PTPRD: variants seen among roughly 807,000 people sequenced by gnomAD.
The protein encoded by PTPRD is protein tyrosine phosphatase receptor type D.
Under a neutral mutation model 214.5 loss-of-function variants are expected in PTPRD, and 34 were observed. That is an observed-to-expected ratio of 0.16 (90% CI 0.12 to 0.21). The LOEUF is 0.21. PTPRD is among the 10% of genes least tolerant of loss of function. PTPRD has a pLI of 1.00. For synonymous variants in PTPRD, 1,128 were observed against 845.7 expected (o/e 1.33, Z -5.79); for missense variants, 2,545 against 2,398.7 (o/e 1.06, Z -1.27).
intron 9 of PTPRD, among the ~76,000 whole-genome samples, chr9:9,367,325 T>C (rs1262459991): frequency 6.6e-6 from 1 of 151,532 alleles, no homozygotes; most frequent in African/African-American, 2.4e-5. Flanking sequence ...CAGATTTTAG[T>C]ATTTTACAGT....
chr9:10,384,674 G>A (rs1238529066), intron 2 of PTPRD, among the ~76,000 whole-genome samples: 1 of 150,742 alleles, frequency 6.6e-6, no homozygotes, highest in East Asian at 2.0e-4. Context: ...TAAGAAATAA[G>A]AACGTTTGTC....
intron 7 of PTPRD, among the ~76,000 whole-genome samples, chr9:9,708,600 C>T (rs899998453): frequency 2.6e-5 from 4 of 151,856 alleles, no homozygotes; most frequent in African/African-American, 4.8e-5. Context: ...TTTCAAAGTC[C>T]TCAAGAGTAT....
intron 10 of PTPRD, among the ~76,000 whole-genome samples, chr9:9,087,775 C>A (rs2099769322): frequency 6.6e-6 from 1 of 151,686 alleles, no homozygotes; most frequent in African/African-American, 2.4e-5. Flanking sequence ...GCTTTAAAAT[C>A]CACATTCCTT....
chr9:8,674,664 A>G (rs2097363783), intron 12 of PTPRD, among the ~76,000 whole-genome samples: 1 of 152,112 alleles, frequency 6.6e-6, no homozygotes, highest in East Asian at 1.9e-4. Flanking sequence ...TCCTTCTAAC[A>G]GCACTTTTAT....
intron 11 of PTPRD, among the ~76,000 whole-genome samples, chr9:8,739,802 G>C (rs1178297562): frequency 6.6e-6 from 1 of 152,128 alleles, no homozygotes; most frequent in Non-Finnish European, 1.5e-5. Context: ...TGAATTATAG[G>C]GGCAGGGCTT....
chr9:10,367,875 A>G (rs2154475330), intron 2 of PTPRD, among the ~76,000 whole-genome samples: 1 of 152,284 alleles, frequency 6.6e-6, no homozygotes, highest in African/African-American at 2.4e-5. Context: ...CATAGCTATA[A>G]AAAAGGGTTA....
At chr9:9,981,668 T>C (rs1168453017) in intron 4 of PTPRD, among the ~76,000 whole-genome samples, 2 of 152,072 alleles carry the variant, frequency 1.3e-5, no homozygotes, top group African/African-American at 4.8e-5. Flanking sequence ...CCAACGATTC[T>C]ACATTCTTAA....
Position 9,472,440 on chromosome 9 carries a change from T to TG in PTPRD, c.-236-74959dup, listed in dbSNP as rs1304236173. Among the ~76,000 whole-genome samples, 3 of 151,872 alleles carry TG rather than the reference T, an allele frequency of 2.0e-5. No homozygotes were observed. In the East Asian group the frequency reaches 5.8e-4, roughly 29 times the overall value. Reference sequence around the variant, plus strand: ...GGATGGTCTCGATCTCCTGACCTCATGATCCACCCGCCTCGGCCTCCCAAA... The same window carrying TG: ...GGATGGTCTCGATCTCCTGACCTCATGGATCCACCCGCCTCGGCCTCCCAAA... On this transcript the variant is annotated intron_variant, in intron 8 of 45. Transcript: ENST00000381196.
rs185644672 is a variant in PTPRD at position 9,821,812 on chromosome 9, A to G, written c.-367-54961T>C. 1.4e-4 allele frequency among the ~76,000 whole-genome samples: 22 copies of G among 151,864 alleles called. No individual in the cohort carries two copies. The East Asian group carries it at 3.9e-3, about 27-fold the overall frequency. On this transcript the variant is annotated intron_variant, in intron 5 of 45. Transcript: ENST00000381196. Reference sequence around the variant, plus strand: ...CAGTAAAGCAAGGATTTGAATTTAAATATGCTTACAACTTTTCACTTAAAA... The same window carrying G: ...CAGTAAAGCAAGGATTTGAATTTAAGTATGCTTACAACTTTTCACTTAAAA...
At chr9:9,457,730 C>G (rs952048037) in intron 8 of PTPRD, among the ~76,000 whole-genome samples, 1 of 151,958 alleles carries the variant, frequency 6.6e-6, no homozygotes, top group Non-Finnish European at 1.5e-5. Flanking sequence ...TACATTCAGT[C>G]ATTTTCCAAG....
At chr9:10,426,598 A>T (rs2098620691) in intron 2 of PTPRD, among the ~76,000 whole-genome samples, 1 of 152,084 alleles carries the variant, frequency 6.6e-6, no homozygotes. Context: ...ATAAGATAGC[A>T]GTATAACTTC....
chr9:10,225,457 T>A (rs1295092992), intron 3 of PTPRD, among the ~76,000 whole-genome samples: 1 of 152,000 alleles, frequency 6.6e-6, no homozygotes. Flanking sequence ...TTAGCTCGTG[T>A]TTTTAATGTA....
intron 10 of PTPRD, among the ~76,000 whole-genome samples, chr9:9,125,886 G>A (rs2099831236): frequency 6.6e-6 from 1 of 152,188 alleles, no homozygotes; most frequent in Non-Finnish European, 1.5e-5. Context: ...CTGAGGAGGT[G>A]ACCTTTGAGC....
intron 2 of PTPRD, among the ~76,000 whole-genome samples, chr9:10,574,089 G>T (rs1219260300): frequency 1.3e-5 from 2 of 152,136 alleles, no homozygotes; most frequent in Non-Finnish European, 2.9e-5. Flanking sequence ...TAGAGATTTA[G>T]ATATTGAAAC....
intron 8 of PTPRD, among the ~76,000 whole-genome samples, chr9:9,424,616 G>A (rs1046530616): frequency 1.3e-5 from 2 of 152,104 alleles, no homozygotes; most frequent in African/African-American, 4.8e-5. Flanking sequence ...GAGAAAAACG[G>A]TGAAAGGCTA....
intron 5 of PTPRD, among the ~76,000 whole-genome samples, chr9:9,795,034 G>A (rs1164421211): frequency 6.6e-6 from 1 of 152,188 alleles, no homozygotes; most frequent in Non-Finnish European, 1.5e-5. Flanking sequence ...TGTGCTCACT[G>A]GCACAGGCCA....
chr9:10,553,366 A>G (rs990462703), intron 2 of PTPRD, among the ~76,000 whole-genome samples: 16 of 151,956 alleles, frequency 1.1e-4, no homozygotes, highest in African/African-American at 3.6e-4. Context: ...TTTTTACTTA[A>G]AGATGTAATG....
chr9:9,795,908 T>A (rs1414050651), intron 5 of PTPRD, among the ~76,000 whole-genome samples: 1 of 152,122 alleles, frequency 6.6e-6, no homozygotes, highest in African/African-American at 2.4e-5. Flanking sequence ...AAAGTACATT[T>A]CTAGTCTCTC....
intron 4 of PTPRD, among the ~76,000 whole-genome samples, chr9:9,942,415 A>T (rs546180850): frequency 3.3e-4 from 51 of 152,280 alleles, no homozygotes; most frequent in African/African-American, 1.1e-3. Flanking sequence ...AAAACGATTT[A>T]AAAAACCCCT....
Sources: gnomAD v4.1 joint callset for allele counts (sites outside exome capture counted in the v4.1 genomes callset) on GRCh38, gnomAD v4.1.1 for gene constraint, MANE v1.5 for transcripts, NCBI Gene and HGNC (gene_info 2026-07-23, HGNC 2026-07-21) for gene names.